PIBF1: variants seen among roughly 807,000 people sequenced by gnomAD.
PIBF1 encodes the protein progesterone-induced-blocking factor 1.
In PIBF1, 90 loss-of-function variants were observed where a neutral mutation model predicts 112.5. The ratio of observed to expected loss-of-function variants is 0.80; its 90% CI spans 0.67 to 0.95. The LOEUF (loss-of-function observed/expected upper bound fraction) is 0.95. Among genes scored for constraint, PIBF1 ranks in the 40% least tolerant of loss-of-function variants. The probability of loss-of-function intolerance (pLI) is 0.00; values close to 1 mark genes in which losing one functional copy is unlikely to be tolerated. For missense variants in PIBF1, 915 were observed against 852.3 expected, an observed-to-expected ratio of 1.07 and a Z score of -0.92; for synonymous variants, 301 against 288.6, an observed-to-expected ratio of 1.04 and a Z score of -0.44.
intron 10 of PIBF1, among the ~76,000 whole-genome samples, chr13:72,881,716 GAA>G (rs973383603): frequency 1.5e-4 from 15 of 99,584 alleles, no homozygotes; most frequent in Admixed American, 3.4e-4. Context: ...ACTCCATCTT[GAA>G]AAAAAAAAAA....
chr13:72,813,774 G>A (rs944179728), intron 5 of PIBF1, among the ~76,000 whole-genome samples: 1 of 152,290 alleles, frequency 6.6e-6, no homozygotes, highest in African/African-American at 2.4e-5. Flanking sequence ...ATCATTAAGA[G>A]GAATGGACCC....
intron 12 of PIBF1, among the ~76,000 whole-genome samples, chr13:72,910,904 A>C (rs150904692): frequency 6.6e-6 from 1 of 152,292 alleles, no homozygotes; most frequent in Non-Finnish European, 1.5e-5. Context: ...CCCCAAAATC[A>C]CGAAATATAT....
chr13:72,868,919 C>A (rs1427912436), intron 10 of PIBF1, among the ~76,000 whole-genome samples: 1 of 151,286 alleles, frequency 6.6e-6, no homozygotes, highest in African/African-American at 2.4e-5. Context: ...ACTTGAGATA[C>A]CATCTCACAC....
At chr13:72,821,803 GT>G in intron 5 of PIBF1, 45 bp from the exon 6 acceptor site, 4 of 1,495,970 alleles carry the variant, frequency 2.7e-6, no homozygotes, top group Non-Finnish European at 3.6e-6. Context: ...GGGCAACTAT[GT>G]TAAGTGTTTA....
intron 16 of PIBF1, among the ~76,000 whole-genome samples, chr13:72,987,549 G>A (rs1238785562): frequency 1.3e-5 from 2 of 151,890 alleles, no homozygotes; most frequent in African/African-American, 4.8e-5. Flanking sequence ...TATAATGATA[G>A]CTTTGACCCC....
intron 16 of PIBF1, among the ~76,000 whole-genome samples, chr13:72,989,244 T>C (rs184859499): frequency 1.3e-5 from 2 of 152,114 alleles, no homozygotes; most frequent in African/African-American, 2.4e-5. Flanking sequence ...ACACAAAAAT[T>C]TACACACAAA....
chr13:72,789,893 G>A (rs1355231604), intron 2 of PIBF1, among the ~76,000 whole-genome samples: 2 of 152,110 alleles, frequency 1.3e-5, no homozygotes, highest in Non-Finnish European at 1.5e-5. Context: ...GGTTTGGGAT[G>A]CTCAACATGT....
At chr13:72,825,283 G>A (rs2036750764) in intron 6 of PIBF1, among the ~76,000 whole-genome samples, 1 of 152,158 alleles carries the variant, frequency 6.6e-6, no homozygotes, top group African/African-American at 2.4e-5. Flanking sequence ...TCCTGAATAT[G>A]ATAATTATAC....
rs371419412 is a variant in PIBF1 at position 72,893,917 on chromosome 13, T to C, written c.1456T>C (p.Leu486=). Residue 486 remains leucine (L), a synonymous_variant, in exon 11 of 18, where the codon TTG becomes CTG. Coordinates refer to ENST00000326291, the MANE Select transcript of PIBF1 (RefSeq NM_006346.4). ...AGCAAGAAATCTCACACAGTGTCAATTGGAATGTGAAAAATATCAGAAAAA... is the reference window on the plus strand; with the variant it reads ...AGCAAGAAATCTCACACAGTGTCAACTGGAATGTGAAAAATATCAGAAAAA... ...ETARNLTQCQ[L]ECEKYQKKLE... 35 of 1,605,972 alleles carry C rather than the reference T, an allele frequency of 2.2e-5. No individual in the cohort carries two copies. Among genetic ancestry groups the C allele is most frequent in the East Asian group, 6.8e-5 (3 of 44,386 alleles).
At position 72,932,892 on chromosome 13, in the gene PIBF1, T is replaced by G. The variant is rs147430531; in HGVS notation, c.1833+1625T>G. 7.6e-3 allele frequency among the ~76,000 whole-genome samples: 1,157 copies of G among 152,332 alleles called. 14 individuals are homozygous for G. Among genetic ancestry groups the G allele is most frequent in the Middle Eastern group, 0.014 (4 of 294 alleles). On this transcript the variant is annotated intron_variant, in intron 14 of 17. Coordinates refer to ENST00000326291, the MANE Select transcript of PIBF1 (RefSeq NM_006346.4). ...CAGGATTCATTTGTACTTCATTCTT[T>G]TCATTGCTGAGTAATTTCTTTGTGT...
intron 14 of PIBF1, among the ~76,000 whole-genome samples, chr13:72,941,320 T>C (rs2042002121): frequency 6.6e-6 from 1 of 152,220 alleles, no homozygotes; most frequent in African/African-American, 2.4e-5. Flanking sequence ...CAAGTGTCAG[T>C]GTGGAGTTTG....
intron 9 of PIBF1, among the ~76,000 whole-genome samples, chr13:72,849,151 G>T (rs1229391643): frequency 6.6e-6 from 1 of 152,146 alleles, no homozygotes; most frequent in Non-Finnish European, 1.5e-5. Context: ...ATACATATGT[G>T]TATATGGGAG....
At chr13:72,805,174 G>A (rs964113021) in intron 5 of PIBF1, among the ~76,000 whole-genome samples, 3 of 152,012 alleles carry the variant, frequency 2.0e-5, no homozygotes, top group Admixed American at 1.3e-4. Context: ...ATGGAGTCTC[G>A]CTTTGTCGCC....
chr13:72,930,910 AG>A (rs1224266955), intron 13 of PIBF1, among the ~76,000 whole-genome samples: 1 of 152,202 alleles, frequency 6.6e-6, no homozygotes, highest in Non-Finnish European at 1.5e-5. Context: ...TTTTATAGCA[AG>A]GGCTAAAAAC....
chr13:72,864,958 A>G (rs1410263116), intron 10 of PIBF1, among the ~76,000 whole-genome samples: 2 of 152,158 alleles, frequency 1.3e-5, no homozygotes, highest in African/African-American at 4.8e-5. Context: ...AGTTTTAGAG[A>G]CTGCTTCTAA....
At position 72,898,695 on chromosome 13, in the gene PIBF1, A is replaced by T. The variant is rs539563181; in HGVS notation, c.1488+4746A>T. Among the ~76,000 whole-genome samples the T allele has an allele frequency of 2.9e-3, 418 of 145,938 alleles. 1 individual carries two copies. The highest frequency in any genetic ancestry group is 8.0e-3 in the African/African-American group (328 of 40,930). On this transcript the variant is annotated intron_variant, in intron 11 of 17. Coordinates refer to ENST00000326291, the MANE Select transcript of PIBF1 (RefSeq NM_006346.4). ...ATACTAAAAATGCAAAAAAAAAAAAAAAATAAAGCCGGGCATGTGGCTCAT... is the reference window on the plus strand; with the variant it reads ...ATACTAAAAATGCAAAAAAAAAAAATAAATAAAGCCGGGCATGTGGCTCAT...
intron 15 of PIBF1, among the ~76,000 whole-genome samples, chr13:72,968,245 T>C (rs1485364273): frequency 2.0e-5 from 3 of 151,930 alleles, no homozygotes; most frequent in South Asian, 2.1e-4. Flanking sequence ...TAGCCACATA[T>C]AGATGTTGAG....
chr13:72,792,865 A>G (rs2035006191), intron 3 of PIBF1, among the ~76,000 whole-genome samples: 1 of 152,166 alleles, frequency 6.6e-6, no homozygotes, highest in African/African-American at 2.4e-5. Context: ...GACCCATTGG[A>G]CTTTCCTGGC....
chr13:72,788,909 T>G (rs1320422317), intron 2 of PIBF1, among the ~76,000 whole-genome samples: 1 of 152,174 alleles, frequency 6.6e-6, no homozygotes, highest in African/African-American at 2.4e-5. Context: ...GATACATGGC[T>G]TTATTATAGT....
Sources: gnomAD v4.1 joint callset for allele counts (sites outside exome capture counted in the v4.1 genomes callset) on GRCh38, gnomAD v4.1.1 for gene constraint, MANE v1.5 for transcripts, NCBI Gene and HGNC (gene_info 2026-07-23, HGNC 2026-07-21) for gene names.